NCOR2: variants seen among roughly 807,000 people sequenced by gnomAD.
NCOR2 encodes nuclear receptor corepressor 2, also known as CTG repeat protein 26.
A neutral mutation model predicts 262.9 loss-of-function variants in NCOR2; 81 were observed. The observed-to-expected ratio is 0.31, with a 90% CI of 0.26 to 0.37. The LOEUF (loss-of-function observed/expected upper bound fraction) is 0.37, where lower values mean the gene tolerates loss of function less well. Among genes scored for constraint, NCOR2 ranks in the 10% least tolerant of loss-of-function variants. The probability of loss-of-function intolerance (pLI) is 1.00; values close to 1 mark genes in which losing one functional copy is unlikely to be tolerated. For missense variants in NCOR2, 3,385 were observed against 3,621.4 expected (o/e 0.93, Z 1.68); for synonymous variants, 1,659 against 1,559.3 (o/e 1.06, Z -1.51).
At chr12:124,346,113 C>T (rs1321696120) in intron 31 of NCOR2, among the ~76,000 whole-genome samples, 3 of 152,134 alleles carry the variant, frequency 2.0e-5, no homozygotes, top group African/African-American at 7.2e-5. Context: ...CTGGGTGAGT[C>T]GTTGAACCTC....
intron 11 of NCOR2, among the ~76,000 whole-genome samples, 170 bp downstream of exon 13, chr12:124,426,452 G>A (rs982997625): frequency 6.6e-6 from 1 of 152,178 alleles, no homozygotes; most frequent in Non-Finnish European, 1.5e-5. Context: ...CCAACCCCAC[G>A]AAACACCAGG....
At chr12:124,339,905 A>ACCCCCCCTATACCTC in intron 37 of NCOR2, 101 bp downstream of exon 39, 1 of 163,606 alleles carries the variant, frequency 6.1e-6, no homozygotes, top group Non-Finnish European at 1.1e-5. Context: ...CCACCCACCC[A>ACCCCCCCTATACCTC]CCTCCCATAT....
chr12:124,326,964 A>G (rs2034714842), intron 45 of NCOR2, among the ~76,000 whole-genome samples: 1 of 152,174 alleles, frequency 6.6e-6, no homozygotes, highest in Non-Finnish European at 1.5e-5. Context: ...CCACCAGGCT[A>G]AGGGGCAGCT....
chr12:124,411,802 G>A (rs1179379741), intron 13 of NCOR2, among the ~76,000 whole-genome samples: 2 of 152,222 alleles, frequency 1.3e-5, no homozygotes, highest in African/African-American at 2.4e-5. Context: ...AGGATGCTCG[G>A]GCCTCAACCC....
intron 1 of NCOR2, 55 bp from the exon 4 acceptor site, chr12:124,486,623 C>A (rs1339217897): frequency 2.0e-6 from 3 of 1,518,306 alleles, no homozygotes; most frequent in Non-Finnish European, 2.6e-6. Flanking sequence ...CATGGCGGGG[C>A]ACGGCAGGGC....
chr12:124,557,887 A>G (rs923029067), intron 1 of NCOR2, among the ~76,000 whole-genome samples: 1 of 152,018 alleles, frequency 6.6e-6, no homozygotes, highest in Non-Finnish European at 1.5e-5. Context: ...GGACCCAGGA[A>G]AGGCCCCCTG....
chr12:124,426,496 G>A (rs2043558256), intron 11 of NCOR2, 126 bp downstream of exon 13: 16 of 929,724 alleles, frequency 1.7e-5, no homozygotes, highest in Non-Finnish European at 2.4e-5. Flanking sequence ...CCAGGAGAGA[G>A]TAAATCCCTG....
intron 7 of NCOR2, among the ~76,000 whole-genome samples, chr12:124,444,845 C>T (rs963409705): frequency 6.6e-6 from 1 of 152,106 alleles, no homozygotes; most frequent in African/African-American, 2.4e-5. Flanking sequence ...TAGGGAGGGG[C>T]AGGGCCTGGA....
chr12:124,431,401 T>C (rs373904013), intron 8 of NCOR2, among the ~76,000 whole-genome samples: 3,818 of 145,060 alleles, frequency 0.026, 110 homozygotes, highest in Admixed American at 0.091. Flanking sequence ...CACAGACAGA[T>C]ACACAGGCAG....
At chr12:124,346,217 T>A (rs2036914358) in intron 31 of NCOR2, among the ~76,000 whole-genome samples, 1 of 152,168 alleles carries the variant, frequency 6.6e-6, no homozygotes. Context: ...GCATGCAACA[T>A]CCTCAGGCCG....
rs1304362869 is a variant in NCOR2 at position 124,454,918 on chromosome 12, G to A, written c.762+2188C>T. Among the ~76,000 whole-genome samples the A allele has an allele frequency of 6.6e-6, 1 of 152,158 alleles. No homozygotes were observed. Among genetic ancestry groups the A allele is most frequent in the Non-Finnish European group, 1.5e-5 (1 of 68,034 alleles). On this transcript the variant is annotated intron_variant, in intron 6 of 46. Transcript: ENST00000405201. The surrounding 1 kb of genome is among the most constrained non-coding windows in gnomAD (Gnocchi z 5.6). ...AACAATCTCACGTCCACCGACTGAT[G>A]AGTGGGTAAACAACACGTGACCTAC...
intron 1 of NCOR2, among the ~76,000 whole-genome samples, chr12:124,525,543 T>A (rs911922162): frequency 1.7e-4 from 26 of 152,210 alleles, no homozygotes; most frequent in African/African-American, 5.8e-4. Flanking sequence ...GGGACACCAA[T>A]CTGGCTGCAG....
At position 124,566,299 on chromosome 12, in the gene NCOR2, C is replaced by G. The variant is rs1301744982; in HGVS notation, c.-165+1009G>C. On this transcript the variant is annotated intron_variant, in intron 1 of 32. Coordinates refer to the NCOR2 transcript ENST00000458234. The surrounding 1 kb of genome is among the most constrained non-coding windows in gnomAD (Gnocchi z 4.3). ...TGCCTGCACCAGACCCTCGGAGAGC[C>G]GGAGCGCGCGACAGGCGGCGGGAGG... Among the ~76,000 whole-genome samples the G allele has an allele frequency of 6.6e-6, 1 of 152,218 alleles. No homozygotes were observed. Among genetic ancestry groups the G allele is most frequent in the Non-Finnish European group, 1.5e-5 (1 of 68,044 alleles).
At position 124,443,344 on chromosome 12, in the gene NCOR2, A is replaced by C. The variant is rs774730468; in HGVS notation, c.816-5348T>G. Among the ~76,000 whole-genome samples, 3 of 152,316 alleles carry C rather than the reference A, an allele frequency of 2.0e-5. No individual in the cohort carries two copies. The highest frequency in any genetic ancestry group is 4.4e-5 in the Non-Finnish European group (3 of 68,040). Reference sequence around the variant, plus strand: ...CCAGGTTTCCTCCCAAAGCAAGGACACTGCCTGCCACCCAGAGACATCCAC... The same window carrying C: ...CCAGGTTTCCTCCCAAAGCAAGGACCCTGCCTGCCACCCAGAGACATCCAC... On this transcript the variant is annotated intron_variant, in intron 7 of 46. Coordinates refer to ENST00000405201, the Ensembl canonical transcript of NCOR2. The surrounding 1 kb of genome is among the most constrained non-coding windows in gnomAD (Gnocchi z 4.4).
intron 5 of NCOR2, among the ~76,000 whole-genome samples, chr12:124,461,537 C>A (rs927363505): frequency 1.3e-5 from 2 of 152,232 alleles, no homozygotes; most frequent in African/African-American, 4.8e-5. Context: ...GACGGGTCCA[C>A]GGGAGCACCA....
At chr12:124,410,173 G>C (rs2042493790) in intron 13 of NCOR2, among the ~76,000 whole-genome samples, 3 of 149,456 alleles carry the variant, frequency 2.0e-5, no homozygotes, top group African/African-American at 7.4e-5. Context: ...AGCCCAGCTT[G>C]AGATGTCCCC....
At position 124,449,876 on chromosome 12, in the gene NCOR2, GGA is replaced by G. The variant is rs745432680; in HGVS notation, c.763-11_763-10del. The G allele has an allele frequency of 8.7e-6, 14 of 1,612,746 alleles. No homozygotes were observed. Among genetic ancestry groups the G allele is most frequent in the Middle Eastern group, 1.6e-4 (1 of 6,072 alleles). Reference sequence around the variant, plus strand: ...GGCTGGTTGTACAGCGGCTGCAAAGGGAGAGAGAGAAGCACATCAGAGCCTGG... The same window carrying G: ...GGCTGGTTGTACAGCGGCTGCAAAGGGAGAGAGAAGCACATCAGAGCCTGG... On this transcript the variant is annotated splice_polypyrimidine_tract_variant and intron_variant, in intron 6 of 46. Transcript: ENST00000405201.
Position 124,517,646 on chromosome 12 carries a change from G to A in NCOR2, c.-118+17919C>T, listed in dbSNP as rs557789025. Among the ~76,000 whole-genome samples, 27 of 152,042 alleles carry A rather than the reference G, an allele frequency of 1.8e-4. No individual in the cohort carries two copies. In the East Asian group the frequency reaches 4.8e-3, roughly 27 times the overall value. The stretch of plus-strand genomic sequence containing the variant: ...CACATGCCCTCCTGAAGTCAACTCC[G>A]GGAACAGAAGCCCCCTGAGCCCCCA... On this transcript the variant is annotated intron_variant, in intron 1 of 46. Transcript: ENST00000404621. The surrounding 1 kb of genome is among the most constrained non-coding windows in gnomAD (Gnocchi z 7.6).
intron 22 of NCOR2, 118 bp from the exon 25 acceptor site, chr12:124,356,900 C>T (rs952832725): frequency 7.3e-5 from 93 of 1,278,216 alleles, no homozygotes; most frequent in African/African-American, 4.1e-4. Flanking sequence ...TGGCCTGTGA[C>T]GGCCTGGGCT....
Sources: allele counts gnomAD v4.1 joint callset (sites outside exome capture counted in the v4.1 genomes callset), GRCh38; gene constraint gnomAD v4.1.1; non-coding constraint Gnocchi (gnomAD v3.1); transcripts MANE v1.5; gene names NCBI Gene and HGNC (gene_info 2026-07-23, HGNC 2026-07-21).